Variants in RIMS4 observed in about 807,000 individuals in gnomAD.
The protein encoded by RIMS4 is regulating synaptic membrane exocytosis protein 4.
RIMS4 carries 9 observed loss-of-function variants against 29.0 expected under a neutral mutation model. The observed-to-expected ratio is 0.31, with a 90% CI of 0.19 to 0.54. RIMS4 has a LOEUF of 0.54. Ranked by LOEUF, RIMS4 falls within the 20% of genes least tolerant of loss-of-function variation. The pLI is 0.94. For synonymous variants in RIMS4, 130 were observed against 152.9 expected (o/e 0.85, Z 1.10); for missense variants, 193 against 365.7 (o/e 0.53, Z 3.85).
intron 1 of RIMS4, among the ~76,000 whole-genome samples, chr20:44,781,154 T>C (rs2066182782): frequency 6.6e-6 from 1 of 152,152 alleles, no homozygotes; most frequent in African/African-American, 2.4e-5. Context: ...AAGTAATTAT[T>C]ATTCATTCAA....
intron 1 of RIMS4, among the ~76,000 whole-genome samples, chr20:44,807,915 G>A (rs1369202321): frequency 1.3e-5 from 2 of 151,876 alleles, no homozygotes; most frequent in African/African-American, 2.4e-5. Flanking sequence ...GCACCCCCAG[G>A]CCTCCTCACC....
intron 2 of RIMS4, among the ~76,000 whole-genome samples, chr20:44,758,623 G>A (rs185972559): frequency 2.0e-5 from 3 of 152,194 alleles, no homozygotes; most frequent in Non-Finnish European, 2.9e-5. Context: ...CCCCCTCCCC[G>A]TGGCACATGA....
chr20:44,810,475 G>T lies in RIMS4; in HGVS notation c.-204C>A. ...CAGGAGCTGGCGGCGCGCGGAGCCCGAGGCGCGCTGTGCTGCTGGCGGCGG... is the reference window on the plus strand; with the variant it reads ...CAGGAGCTGGCGGCGCGCGGAGCCCTAGGCGCGCTGTGCTGCTGGCGGCGG... On this transcript the variant is annotated 5_prime_UTR_variant, in exon 1 of 6. Transcript: ENST00000372851. 1 of 144,588 alleles carries T rather than the reference G, an allele frequency of 6.9e-6. No individual in the cohort carries two copies. The highest frequency in any genetic ancestry group is 1.9e-4 in the South Asian group (1 of 5,294). The allele number at this position is 144,588 out of a possible 1,614,324, so 9.0% of individuals were successfully genotyped here.
intron 1 of RIMS4, among the ~76,000 whole-genome samples, chr20:44,805,231 G>A (rs528392138): frequency 6.6e-6 from 1 of 152,158 alleles, no homozygotes; most frequent in African/African-American, 2.4e-5. Flanking sequence ...ACTTGAGCCC[G>A]GGAGGTAGAG....
chr20:44,771,247 C>T (rs1349096916), intron 2 of RIMS4, 28 bp downstream of exon 2: 3 of 1,593,500 alleles, frequency 1.9e-6, no homozygotes, highest in Non-Finnish European at 2.6e-6. Flanking sequence ...ACTGCAAGAA[C>T]CAGGAGGGCT....
rs199569233 is a variant in RIMS4, at chr20:44,756,294, C to T, written c.650G>A (p.Arg217His). 1.9e-6 allele frequency: 3 copies of T among 1,590,914 alleles called. No individual in the cohort carries two copies. The highest frequency in any genetic ancestry group is 2.6e-6 in the Non-Finnish European group (3 of 1,172,700). Residue 217 changes from arginine to histidine, a missense_variant, in exon 6 of 6, where the codon CGC becomes CAC. Transcript: ENST00000372851. This position sits in a 1 kb window ranked among gnomAD's most constrained non-coding sequence, Gnocchi z 5.9. ...MERKQFMGVA[R>H]VLLEELDLTT... is the part of the protein sequence containing the mutation. ...CAAGTCCAGCTCCTCCAGCAGCACG[C>T]GAGCCACACCCATGAACTGCTTCCG...
At chr20:44,791,626 G>A (rs951523040) in intron 1 of RIMS4, among the ~76,000 whole-genome samples, 2 of 152,170 alleles carry the variant, frequency 1.3e-5, no homozygotes, top group African/African-American at 4.8e-5. Context: ...TCCCACTCCC[G>A]GGTGTGGAAG....
At chr20:44,760,203 T>C (rs1028188378) in intron 2 of RIMS4, among the ~76,000 whole-genome samples, 3 of 152,176 alleles carry the variant, frequency 2.0e-5, no homozygotes, top group African/African-American at 7.2e-5. Flanking sequence ...GGACGGTCTG[T>C]AGTCTGCAGC....
At chr20:44,797,266 A>G (rs2066259005) in intron 1 of RIMS4, among the ~76,000 whole-genome samples, 1 of 152,130 alleles carries the variant, frequency 6.6e-6, no homozygotes, top group African/African-American at 2.4e-5. Flanking sequence ...TCACCCTTTC[A>G]TTTACATATT....
At position 44,795,596 on chromosome 20, in the gene RIMS4, C is replaced by T. The variant is rs147894397; in HGVS notation, c.97+14579G>A. Among the ~76,000 whole-genome samples the T allele has an allele frequency of 7.2e-3, 1,099 of 152,014 alleles. 6 individuals carry two copies. Among genetic ancestry groups the T allele is most frequent in the Non-Finnish European group, 0.012 (834 of 67,982 alleles). ...GAAGTGAGCCAAGATCGTGCCACTG[C>T]ACTCCAGCCTGGGAGACAGAGCGAG... On this transcript the variant is annotated intron_variant, in intron 1 of 5. Transcript: ENST00000372851.
At chr20:44,794,193 G>A (rs1272805773) in intron 1 of RIMS4, among the ~76,000 whole-genome samples, 1 of 152,202 alleles carries the variant, frequency 6.6e-6, no homozygotes, top group Non-Finnish European at 1.5e-5. Flanking sequence ...GGGAACTGTG[G>A]TCTCCAATTT....
intron 1 of RIMS4, among the ~76,000 whole-genome samples, chr20:44,802,955 TA>T (rs1348397248): frequency 6.6e-6 from 1 of 152,212 alleles, no homozygotes; most frequent in Admixed American, 6.5e-5. Context: ...TTCCTCCTCA[TA>T]TTCCCATTGC....
chr20:44,782,642 GA>G (rs1335341265), intron 1 of RIMS4, among the ~76,000 whole-genome samples: 2 of 152,204 alleles, frequency 1.3e-5, no homozygotes, highest in Non-Finnish European at 2.9e-5. Flanking sequence ...GACCCAGGGT[GA>G]AGGGGCAGGC....
At chr20:44,765,508 T>TAAAAC (rs563565697) in intron 2 of RIMS4, among the ~76,000 whole-genome samples, 204 of 152,254 alleles carry the variant, frequency 1.3e-3, no homozygotes, top group South Asian at 6.6e-3. Context: ...CTAGTGCTTA[T>TAAAAC]AAAACAAAAC....
At chr20:44,772,236 C>G (rs2066140491) in intron 1 of RIMS4, among the ~76,000 whole-genome samples, 1 of 152,174 alleles carries the variant, frequency 6.6e-6, no homozygotes, top group Non-Finnish European at 1.5e-5. Flanking sequence ...CCCTCCAAAA[C>G]AGCAGCCTTC....
intron 2 of RIMS4, among the ~76,000 whole-genome samples, chr20:44,761,985 T>C (rs1391884808): frequency 1.3e-5 from 2 of 152,204 alleles, no homozygotes; most frequent in African/African-American, 4.8e-5. Flanking sequence ...CTAACCTTTT[T>C]AGCACCAGGG....
At chr20:44,768,923 C>T (rs1004767748) in intron 2 of RIMS4, among the ~76,000 whole-genome samples, 2 of 152,226 alleles carry the variant, frequency 1.3e-5, no homozygotes, top group African/African-American at 2.4e-5. Flanking sequence ...CTAACAATTA[C>T]AGAGCTGGTC....
At chr20:44,784,630 T>C (rs1163203717) in intron 1 of RIMS4, among the ~76,000 whole-genome samples, 32 of 152,246 alleles carry the variant, frequency 2.1e-4, no homozygotes, top group Non-Finnish European at 2.2e-4. Context: ...CTAAGGCTTC[T>C]CAAGAACCTC....
chr20:44,803,228 A>G (rs2066284389), intron 1 of RIMS4, among the ~76,000 whole-genome samples: 1 of 152,232 alleles, frequency 6.6e-6, no homozygotes, highest in African/African-American at 2.4e-5. Context: ...AACACTGAGC[A>G]GCTCATTAAC....
Sources: gnomAD v4.1 joint callset for allele counts (sites outside exome capture counted in the v4.1 genomes callset) on GRCh38, gnomAD v4.1.1 for gene constraint, Gnocchi (gnomAD v3.1) non-coding constraint, MANE v1.5 for transcripts, NCBI Gene and HGNC (gene_info 2026-07-23, HGNC 2026-07-21) for gene names.